SRGAP3: variants seen among roughly 807,000 people sequenced by gnomAD.
SRGAP3 encodes SLIT-ROBO Rho GTPase-activating protein 3.
A neutral mutation model predicts 121.1 loss-of-function variants in SRGAP3; 39 were observed. The ratio of observed to expected loss-of-function variants is 0.32; its 90% CI spans 0.25 to 0.42. The LOEUF is 0.42. Ranked by LOEUF, SRGAP3 falls within the 10% of genes least tolerant of loss-of-function variation. SRGAP3 has a pLI of 1.00. For synonymous variants in SRGAP3, 601 were observed against 570.0 expected (o/e 1.05, Z -0.77); for missense variants, 1,213 against 1,470.6 (o/e 0.82, Z 2.86).
intron 18 of SRGAP3, among the ~76,000 whole-genome samples, chr3:8,998,679 T>C (rs999161239): frequency 3.3e-5 from 5 of 152,160 alleles, no homozygotes; most frequent in African/African-American, 1.2e-4. Flanking sequence ...GACAGAGATT[T>C]TCTTTTCTTT....
intron 17 of SRGAP3, among the ~76,000 whole-genome samples, chr3:9,011,207 A>G (rs775906968): frequency 2.0e-5 from 3 of 152,202 alleles, no homozygotes; most frequent in Non-Finnish European, 2.9e-5. Context: ...ATTAAATAAG[A>G]CAGTTGCAAG....
intron 3 of SRGAP3, among the ~76,000 whole-genome samples, chr3:9,296,138 T>A (rs947661412): frequency 6.6e-6 from 1 of 152,206 alleles, no homozygotes; most frequent in Admixed American, 6.5e-5. Flanking sequence ...ATACTTTCAG[T>A]TCTTTTGTGT....
intron 3 of SRGAP3, among the ~76,000 whole-genome samples, chr3:9,295,177 G>A (rs1954932063): frequency 6.6e-6 from 1 of 152,132 alleles, no homozygotes. Flanking sequence ...TGAATAACAG[G>A]GTTAAAATCC....
chr3:9,321,583 G>A (rs139344298), intron 3 of SRGAP3, among the ~76,000 whole-genome samples: 200 of 151,988 alleles, frequency 1.3e-3, no homozygotes, highest in African/African-American at 4.3e-3. Context: ...TTTGTCATTT[G>A]TTGGTGCTGG....
intron 1 of SRGAP3, among the ~76,000 whole-genome samples, chr3:9,186,777 T>C (rs939440517): frequency 2.0e-5 from 3 of 152,140 alleles, no homozygotes; most frequent in African/African-American, 7.2e-5. Flanking sequence ...TGAAATCTAC[T>C]CAATTTGAGT....
At chr3:9,047,615 G>A in intron 9 of SRGAP3, 140 bp from the exon 10 acceptor site, 1 of 795,128 alleles carries the variant, frequency 1.3e-6, no homozygotes, top group Non-Finnish European at 2.1e-6. Context: ...GGAACAGAGA[G>A]GCCTCTGCAT....
chr3:9,009,168 G>A (rs1314758839), intron 18 of SRGAP3, among the ~76,000 whole-genome samples: 2 of 152,182 alleles, frequency 1.3e-5, no homozygotes, highest in Non-Finnish European at 2.9e-5. Context: ...AACTGAAATA[G>A]TCCTACTAGA....
intron 3 of SRGAP3, among the ~76,000 whole-genome samples, chr3:9,302,195 G>A (rs1021202360): frequency 6.6e-6 from 1 of 152,154 alleles, no homozygotes; most frequent in Non-Finnish European, 1.5e-5. Context: ...GCTGGGTAAG[G>A]GGAGGCCAAG....
chr3:9,305,910 T>G (rs989985955), intron 3 of SRGAP3, among the ~76,000 whole-genome samples: 2 of 152,240 alleles, frequency 1.3e-5, no homozygotes, highest in Non-Finnish European at 2.9e-5. Context: ...TTTATAATCC[T>G]TTGGGTATAT....
intron 1 of SRGAP3, among the ~76,000 whole-genome samples, chr3:9,341,674 T>C (rs1184654520): frequency 6.6e-6 from 1 of 152,156 alleles, no homozygotes; most frequent in Non-Finnish European, 1.5e-5. Context: ...TTTGTTTGTT[T>C]GCGTTATAGA....
At chr3:9,050,939 AG>A (rs1401996741) in intron 9 of SRGAP3, among the ~76,000 whole-genome samples, 1 of 151,682 alleles carries the variant, frequency 6.6e-6, no homozygotes, top group Non-Finnish European at 1.5e-5. Context: ...GGCAGTTATA[AG>A]ATGGAGGTGG....
At chr3:9,241,114 T>G (rs961398085) in intron 1 of SRGAP3, among the ~76,000 whole-genome samples, 13 of 152,184 alleles carry the variant, frequency 8.5e-5, no homozygotes, top group African/African-American at 3.1e-4. Context: ...TGCAATCCAG[T>G]GCAATTTGTT....
intron 1 of SRGAP3, among the ~76,000 whole-genome samples, chr3:9,202,902 G>A (rs1952117678): frequency 6.6e-6 from 1 of 151,988 alleles, no homozygotes; most frequent in South Asian, 2.1e-4. Flanking sequence ...CCTTTTGTGG[G>A]AAAACCAACT....
chr3:9,138,015 A>G (rs1055951232), intron 1 of SRGAP3, among the ~76,000 whole-genome samples: 25 of 152,244 alleles, frequency 1.6e-4, no homozygotes, highest in African/African-American at 5.8e-4. Flanking sequence ...AGAAGAGATC[A>G]GGATTCATTA....
At chr3:9,009,568 G>C (rs1316272861) in intron 18 of SRGAP3, among the ~76,000 whole-genome samples, 3 of 152,100 alleles carry the variant, frequency 2.0e-5, no homozygotes, top group African/African-American at 7.2e-5. Flanking sequence ...ACCTCTACAA[G>C]TACCATGGGC....
intron 1 of SRGAP3, among the ~76,000 whole-genome samples, chr3:9,157,233 A>C (rs1054650267): frequency 1.3e-5 from 2 of 152,156 alleles, no homozygotes; most frequent in Admixed American, 6.5e-5. Context: ...GGAAGCAAGC[A>C]CGTCTTCACA....
intron 1 of SRGAP3, among the ~76,000 whole-genome samples, chr3:9,184,045 A>C (rs889509248): frequency 2.6e-5 from 4 of 152,042 alleles, no homozygotes; most frequent in Non-Finnish European, 5.9e-5. Flanking sequence ...GGGCCCTTTG[A>C]AAAAAATACT....
chr3:8,996,219 C>A (rs1942392453), intron 18 of SRGAP3, among the ~76,000 whole-genome samples: 1 of 152,136 alleles, frequency 6.6e-6, no homozygotes. Flanking sequence ...CACATAGTAC[C>A]CTATAAGAGT....
intron 12 of SRGAP3, among the ~76,000 whole-genome samples, chr3:9,028,759 G>A (rs1156604634): frequency 6.6e-6 from 1 of 152,122 alleles, no homozygotes; most frequent in Non-Finnish European, 1.5e-5. Context: ...CTTTTCTTGG[G>A]TATCCACTTG....
Sources: gnomAD v4.1 joint callset for allele counts (sites outside exome capture counted in the v4.1 genomes callset) on GRCh38, gnomAD v4.1.1 for gene constraint, MANE v1.5 for transcripts, NCBI Gene and HGNC (gene_info 2026-07-23, HGNC 2026-07-21) for gene names.